Variants in WDR33 observed in about 807,000 individuals in gnomAD.
WDR33 encodes the protein WD repeat domain 33.
In WDR33, 47 loss-of-function variants were observed where a neutral mutation model predicts 164.9. The ratio of observed to expected loss-of-function variants is 0.29; its 90% CI spans 0.23 to 0.36. The LOEUF is 0.36. Among genes scored for constraint, WDR33 ranks in the 10% least tolerant of loss-of-function variants. WDR33 has a pLI of 1.00. For synonymous variants in WDR33, 505 were observed against 589.0 expected (o/e 0.86, Z 2.06); for missense variants, 1,137 against 1,754.1 (o/e 0.65, Z 6.28).
intron 7 of WDR33, chr2:127,737,258 A>G (rs1573900987): frequency 1.0e-6 from 1 of 985,470 alleles, no homozygotes; most frequent in African/African-American, 1.7e-5. Flanking sequence ...ATCATAGAGA[A>G]CATCAGCCAT....
chr2:127,736,301 GA>G, intron 7 of WDR33: 1 of 985,404 alleles, frequency 1.0e-6, no homozygotes, highest in African/African-American at 1.7e-5. Flanking sequence ...GGAGACTGGG[GA>G]AGGGCATGTA....
chr2:127,750,574 G>A (rs550824385), intron 7 of WDR33, among the ~76,000 whole-genome samples: 13 of 143,522 alleles, frequency 9.1e-5, no homozygotes, highest in Middle Eastern at 3.6e-3. Context: ...GTTTGAACCC[G>A]AGAGGCGGAA....
At chr2:127,806,834 G>T (rs1457346019) in intron 1 of WDR33, among the ~76,000 whole-genome samples, 1 of 152,116 alleles carries the variant, frequency 6.6e-6, no homozygotes, top group African/African-American at 2.4e-5. Flanking sequence ...TCAAAGACAT[G>T]CATCCTGAGG....
chr2:127,716,510 C>T lies in WDR33; in HGVS notation c.2869+645G>A, dbSNP rs915413203. Among the ~76,000 whole-genome samples the T allele has an allele frequency of 5.9e-5, 9 of 152,194 alleles. No homozygotes were observed. Among genetic ancestry groups the T allele is most frequent in the African/African-American group, 1.4e-4 (6 of 41,444 alleles). ...CTCCCCAACAGCGTGCTGCTCACCACGCTCCTGCTCCAACTCTGCAAGACA... is the reference window on the plus strand; with the variant it reads ...CTCCCCAACAGCGTGCTGCTCACCATGCTCCTGCTCCAACTCTGCAAGACA... On this transcript the variant is annotated intron_variant, in intron 17 of 21. Coordinates refer to ENST00000322313, the MANE Select transcript of WDR33 (RefSeq NM_018383.5). This position sits in a 1 kb window ranked among gnomAD's most constrained non-coding sequence, Gnocchi z 4.5.
Position 127,719,663 on chromosome 2 carries a change from G to A in WDR33, c.2362C>T (p.Pro788Ser), listed in dbSNP as rs1444292663. ...GGACCCTGGTTCTCCCGGGGGCCTG[G>A]AGGCCCCTGCATTCCTCTTGGATTC... is the stretch of plus-strand genomic sequence containing the variant. ...GLNPRGMQGP[P>S]GPRENQGPAP... The change falls in exon 16 of 22, where the codon CCA becomes TCA. Residue 788 changes from proline (P) to serine (S), a missense_variant. Physicochemically the swap from Pro to Ser is moderately conservative, Grantham distance 74. Coordinates refer to ENST00000322313, the MANE Select transcript of WDR33 (RefSeq NM_018383.5). This position sits in a 1 kb window ranked among gnomAD's most constrained non-coding sequence, Gnocchi z 6.5. 5 of 1,613,568 alleles carry A rather than the reference G, an allele frequency of 3.1e-6. No individual in the cohort carries two copies. Among genetic ancestry groups the A allele is most frequent in the Non-Finnish European group, 4.2e-6 (5 of 1,179,934 alleles).
chr2:127,769,110 T>C, intron 2 of WDR33, 109 bp from the exon 3 acceptor site: 1 of 585,312 alleles, frequency 1.7e-6, no homozygotes, highest in Non-Finnish European at 2.4e-6. Context: ...ATATTAAAAA[T>C]GGATAAACAG....
chr2:127,792,926 A>G (rs2105482702), intron 1 of WDR33, among the ~76,000 whole-genome samples: 1 of 152,322 alleles, frequency 6.6e-6, no homozygotes, highest in East Asian at 1.9e-4. Flanking sequence ...AAAGCAGGCC[A>G]GTGGTATACT....
At chr2:127,798,985 C>A (rs1689143977) in intron 1 of WDR33, 1 of 151,784 alleles carries the variant, frequency 6.6e-6, no homozygotes, top group South Asian at 2.1e-4. Flanking sequence ...TAACCCACTA[C>A]CATCGGACCA....
At chr2:127,777,311 C>T (rs910861105) in intron 1 of WDR33, among the ~76,000 whole-genome samples, 6 of 152,206 alleles carry the variant, frequency 3.9e-5, no homozygotes, top group African/African-American at 1.4e-4. Context: ...AATATCACTC[C>T]TAATTTCGCA....
intron 1 of WDR33, among the ~76,000 whole-genome samples, chr2:127,793,427 T>C (rs796235419): frequency 2.6e-5 from 4 of 151,012 alleles, no homozygotes; most frequent in African/African-American, 9.7e-5. Context: ...CAAGACTCTG[T>C]CTCAAGGAAA....
chr2:127,735,351 A>T lies in WDR33; in HGVS notation c.725-8574T>A. ...TAAATAACCTGTCTTGAGACAGTCCATAGGATCCCAAAGCTCGGTGAACAG... is the reference window on the plus strand; with the variant it reads ...TAAATAACCTGTCTTGAGACAGTCCTTAGGATCCCAAAGCTCGGTGAACAG... On this transcript the variant is annotated intron_variant, in intron 7 of 21. Coordinates refer to ENST00000322313, the MANE Select transcript of WDR33 (RefSeq NM_018383.5). The surrounding 1 kb of genome is among the most constrained non-coding windows in gnomAD (Gnocchi z 4.3). 1 of 984,346 alleles carries T rather than the reference A, an allele frequency of 1.0e-6. No homozygotes were observed. Among genetic ancestry groups the T allele is most frequent in the Non-Finnish European group, 1.2e-6 (1 of 828,664 alleles). 61.0% of individuals were successfully genotyped at this position (984,346 alleles called of 1,614,324 possible).
intron 1 of WDR33, among the ~76,000 whole-genome samples, chr2:127,804,193 C>A (rs371182087): frequency 9.2e-5 from 14 of 151,876 alleles, no homozygotes; most frequent in Non-Finnish European, 1.0e-4. Context: ...TGGTGGCGGG[C>A]GCCTGTAGTC....
At chr2:127,731,317 A>AACC in intron 7 of WDR33, among the ~76,000 whole-genome samples, 1 of 143,918 alleles carries the variant, frequency 6.9e-6, no homozygotes, top group African/African-American at 2.7e-5. Flanking sequence ...AAAAAAAAAA[A>AACC]ACACAGAAAA....
Position 127,781,251 on chromosome 2 carries a change from C to T in WDR33, c.-23-10247G>A, listed in dbSNP as rs373976215. On this transcript the variant is annotated intron_variant, in intron 1 of 21. Transcript: ENST00000322313. ...CATATCCAAGAGATTGCATATTGTA[C>T]GCTTCATTTATATGACATTCTTAAA... Among the ~76,000 whole-genome samples the T allele has an allele frequency of 1.6e-4, 25 of 152,214 alleles. 1 individual carries two copies. The highest frequency in any genetic ancestry group is 4.8e-4 in the African/African-American group (20 of 41,520).
chr2:127,738,678 C>CTAAT lies in WDR33; in HGVS notation c.725-11902_725-11901insATTA, dbSNP rs1686924136. Among the ~76,000 whole-genome samples the CTAAT allele has an allele frequency of 6.6e-6, 1 of 152,170 alleles. No individual in the cohort carries two copies. Among genetic ancestry groups the CTAAT allele is most frequent in the Non-Finnish European group, 1.5e-5 (1 of 68,028 alleles). On this transcript the variant is annotated intron_variant, in intron 7 of 21. Coordinates refer to ENST00000322313, the MANE Select transcript of WDR33 (RefSeq NM_018383.5). This position sits in a 1 kb window ranked among gnomAD's most constrained non-coding sequence, Gnocchi z 4.4. The stretch of plus-strand genomic sequence containing the variant: ...CTTCCTCTCAAAAACCGACAATTCC[C>CTAAT]TGTCTAATCATGAGAGAAATAGTAG...
intron 1 of WDR33, among the ~76,000 whole-genome samples, chr2:127,774,690 C>T (rs546183529): frequency 7.6e-4 from 115 of 152,120 alleles, no homozygotes; most frequent in African/African-American, 2.6e-3. Context: ...ATTAGCCAGG[C>T]GTGGTGGCGG....
chr2:127,759,598 G>A (rs1001800409), intron 7 of WDR33, among the ~76,000 whole-genome samples: 14 of 152,144 alleles, frequency 9.2e-5, no homozygotes, highest in Admixed American at 2.6e-4. Flanking sequence ...GGCTGAGGCA[G>A]GAGACTCACT....
At chr2:127,791,815 A>C (rs1261034483) in intron 1 of WDR33, among the ~76,000 whole-genome samples, 1 of 152,224 alleles carries the variant, frequency 6.6e-6, no homozygotes, top group African/African-American at 2.4e-5. Flanking sequence ...GGTAAAAGTA[A>C]CATACCTACT....
rs1158729805 is a variant in WDR33, at chr2:127,764,167, T to C, written c.626+661A>G. The C allele has an allele frequency of 9.8e-7, 1 of 1,015,882 alleles. No homozygotes were observed. The highest frequency in any genetic ancestry group is 1.2e-6 in the Non-Finnish European group (1 of 850,252). The allele number at this position is 1,015,882 out of a possible 1,614,324, so 62.9% of individuals were successfully genotyped here. The stretch of plus-strand genomic sequence containing the variant: ...TGATGTGTAAAAATATACAACTCAC[T>C]GAAAATATTTTAAACTCCACTTATT... On this transcript the variant is annotated intron_variant, in intron 6 of 21. Transcript: ENST00000322313. This position sits in a 1 kb window ranked among gnomAD's most constrained non-coding sequence, Gnocchi z 6.2.
Sources: gnomAD v4.1 joint callset for allele counts (sites outside exome capture counted in the v4.1 genomes callset) on GRCh38, gnomAD v4.1.1 for gene constraint, Gnocchi (gnomAD v3.1) non-coding constraint, MANE v1.5 for transcripts, NCBI Gene and HGNC (gene_info 2026-07-23, HGNC 2026-07-21) for gene names.